Variants in POLN observed in about 807,000 individuals in gnomAD.
The protein encoded by POLN is DNA polymerase N.
In POLN, 108 loss-of-function variants were observed where a neutral mutation model predicts 113.5. The ratio of observed to expected loss-of-function variants is 0.95; its 90% CI spans 0.81 to 1.12. The LOEUF is 1.12. Ranked by LOEUF, POLN falls within the 50% of genes most tolerant of loss-of-function variation. The pLI is 0.00. For synonymous variants in POLN, 386 were observed against 391.5 expected, an observed-to-expected ratio of 0.99 and a Z score of 0.17; for missense variants, 1,097 against 1,077.1, an observed-to-expected ratio of 1.02 and a Z score of -0.26.
chr4:2,170,699 G>C lies in POLN; in HGVS notation c.1534C>G (p.Pro512Ala), dbSNP rs1732839452. 1 of 1,613,718 alleles carries C rather than the reference G, an allele frequency of 6.2e-7. No homozygotes were observed. The highest frequency in any genetic ancestry group is 1.3e-5 in the African/African-American group (1 of 74,916). Reference protein sequence around the residue: ...SLPRTGLQKYPSTSEAVLNAL... With the variant: ...SLPRTGLQKYASTSEAVLNAL... ...CTTACCACTGCTTCTGATGTAGACGGGTATTTCTGCAACCCCGTTCTGGGG... is the reference window on the plus strand; with the variant it reads ...CTTACCACTGCTTCTGATGTAGACGCGTATTTCTGCAACCCCGTTCTGGGG... Residue 512 changes from proline (P) to alanine (A), a missense_variant, in exon 13 of 26, where the codon CCG becomes GCG. Physicochemically the swap from Pro to Ala is conservative, Grantham distance 27. Coordinates refer to ENST00000511885, the MANE Select transcript of POLN (RefSeq NM_181808.4).
At chr4:2,216,152 A>G (rs1193965778) in intron 3 of POLN, among the ~76,000 whole-genome samples, 6 of 152,210 alleles carry the variant, frequency 3.9e-5, no homozygotes, top group Admixed American at 3.9e-4. Context: ...TGGAAATTAC[A>G]TTCCTTGCCA....
At chr4:2,074,869 G>A (rs1002026771) in intron 24 of POLN, among the ~76,000 whole-genome samples, 4 of 152,084 alleles carry the variant, frequency 2.6e-5, no homozygotes, top group Admixed American at 6.5e-5. Flanking sequence ...GGGAGGCCCC[G>A]GCCCTCCCAA....
intron 23 of POLN, 150 bp downstream of exon 23, chr4:2,080,808 C>T (rs1730393118): frequency 1.3e-6 from 2 of 1,526,848 alleles, no homozygotes; most frequent in South Asian, 1.3e-5. Context: ...GTGAGTAGCC[C>T]CCAGGGCCTT....
At chr4:2,171,212 T>A (rs1272159970) in intron 11 of POLN, 31 bp from the exon 12 acceptor site, 2 of 1,551,454 alleles carry the variant, frequency 1.3e-6, no homozygotes, top group Non-Finnish European at 1.8e-6. Context: ...ATTAATTTCA[T>A]TCATAGTTTT....
chr4:2,237,037 C>T (rs1734791103), intron 2 of POLN, among the ~76,000 whole-genome samples: 1 of 151,942 alleles, frequency 6.6e-6, no homozygotes, highest in Non-Finnish European at 1.5e-5. Flanking sequence ...GTTTCCCCAC[C>T]ATCCAAGTTT....
Position 2,157,156 on chromosome 4 carries a change from C to T in POLN, c.1666-303G>A, listed in dbSNP as rs73796528. Among the ~76,000 whole-genome samples, 329 of 152,258 alleles carry T rather than the reference C, an allele frequency of 2.2e-3. 1 individual carries two copies. The highest frequency in any genetic ancestry group is 7.5e-3 in the African/African-American group (311 of 41,530). The stretch of plus-strand genomic sequence containing the variant: ...CTGTTGGGCTGTGGGGAGCTTGGTG[C>T]GGGCTCGAGGTGGGACTGTGCGTCA... On this transcript the variant is annotated intron_variant, in intron 15 of 25. Transcript: ENST00000511885.
At chr4:2,173,252 C>A (rs937963549) in intron 11 of POLN, among the ~76,000 whole-genome samples, 1 of 152,100 alleles carries the variant, frequency 6.6e-6, no homozygotes, top group Non-Finnish European at 1.5e-5. Context: ...TTCCTTTAAA[C>A]ATTTTATTTT....
At chr4:2,194,914 A>G (rs1733537866) in intron 6 of POLN, among the ~76,000 whole-genome samples, 1 of 151,934 alleles carries the variant, frequency 6.6e-6, no homozygotes, top group Admixed American at 6.6e-5. Flanking sequence ...TAAAACATGT[A>G]TTTATGTATA....
intron 19 of POLN, among the ~76,000 whole-genome samples, chr4:2,107,802 C>T (rs140460507): frequency 0.013 from 1,944 of 152,190 alleles, 16 homozygotes; most frequent in Middle Eastern, 0.031. Flanking sequence ...GGAAAACTGC[C>T]GCTGGGGCCT....
intron 2 of POLN, chr4:2,238,508 T>G: frequency 1.4e-6 from 1 of 697,904 alleles, no homozygotes; most frequent in South Asian, 3.5e-5. Context: ...ATGCAAAGAA[T>G]TGTTAAAAAC....
chr4:2,097,763 G>C (rs1367514401), intron 19 of POLN, among the ~76,000 whole-genome samples: 2 of 152,186 alleles, frequency 1.3e-5, no homozygotes. Flanking sequence ...TTCAGCCTCT[G>C]AAAGTTGAAA....
intron 13 of POLN, among the ~76,000 whole-genome samples, chr4:2,170,068 G>C (rs1732821909): frequency 6.6e-6 from 1 of 152,236 alleles, no homozygotes; most frequent in South Asian, 2.1e-4. Context: ...CTGTTACAAA[G>C]TCGAATGCTG....
chr4:2,076,899 T>G (rs1730289287), intron 23 of POLN: 1 of 152,172 alleles, frequency 6.6e-6, no homozygotes, highest in African/African-American at 2.4e-5. Flanking sequence ...TGTTGCTGGG[T>G]GGGGTGGAGG....
intron 16 of POLN, among the ~76,000 whole-genome samples, chr4:2,132,717 C>T (rs925329533): frequency 4.6e-5 from 7 of 152,164 alleles, no homozygotes; most frequent in African/African-American, 1.7e-4. Flanking sequence ...GAAAGAACTG[C>T]CAGCTCAGAG....
At chr4:2,241,031 T>C (rs1734968583) in intron 2 of POLN, 1 of 952,526 alleles carries the variant, frequency 1.0e-6, no homozygotes, top group South Asian at 1.5e-5. Flanking sequence ...GAAAAAAAGC[T>C]ACGTTTTATA....
chr4:2,103,487 A>G (rs542907502), intron 19 of POLN, among the ~76,000 whole-genome samples: 1 of 152,318 alleles, frequency 6.6e-6, no homozygotes, highest in African/African-American at 2.4e-5. Context: ...TTTATAAATT[A>G]TTGGTATTCC....
chr4:2,090,247 T>C, intron 20 of POLN: 2 of 800,450 alleles, frequency 2.5e-6, no homozygotes, highest in Non-Finnish European at 4.2e-6. Context: ...TTCTACATGC[T>C]ATCTTGTTCC....
chr4:2,119,757 A>G (rs572282374), intron 19 of POLN, among the ~76,000 whole-genome samples: 1 of 152,258 alleles, frequency 6.6e-6, no homozygotes, highest in African/African-American at 2.4e-5. Context: ...ACCACATGCT[A>G]TTCTAGTCCT....
At chr4:2,118,739 G>C (rs1731375081) in intron 19 of POLN, among the ~76,000 whole-genome samples, 1 of 152,218 alleles carries the variant, frequency 6.6e-6, no homozygotes, top group African/African-American at 2.4e-5. Flanking sequence ...CGATAGGCCA[G>C]GTTATGCTAC....
Sources: gnomAD v4.1 joint callset for allele counts (sites outside exome capture counted in the v4.1 genomes callset) on GRCh38, gnomAD v4.1.1 for gene constraint, MANE v1.5 for transcripts, NCBI Gene and HGNC (gene_info 2026-07-23, HGNC 2026-07-21) for gene names.